Variants in PSPH observed in about 807,000 individuals in gnomAD.
PSPH encodes L-3-phosphoserine phosphatase.
Under a neutral mutation model 23.4 loss-of-function variants are expected in PSPH, and 16 were observed. That is an observed-to-expected ratio of 0.68 (90% CI 0.46 to 1.04). The LOEUF is 1.04. Ranked by LOEUF, PSPH falls within the 50% of genes least tolerant of loss-of-function variation. The pLI, the probability that PSPH is intolerant of heterozygous loss-of-function variation, is 0.00. For missense variants in PSPH, 223 were observed against 273.7 expected, an observed-to-expected ratio of 0.81 and a Z score of 1.31; for synonymous variants, 68 against 99.7, an observed-to-expected ratio of 0.68 and a Z score of 1.89.
Position 56,011,564 on chromosome 7 carries a change from CATCAT to C in PSPH, c.*193_*197del. 2.4e-6 allele frequency: 1 copy of C among 411,322 alleles called. No individual in the cohort carries two copies. Among genetic ancestry groups the C allele is most frequent in the East Asian group, 4.3e-5 (1 of 23,154 alleles). The allele number at this position is 411,322 out of a possible 1,614,324, so 25.5% of individuals were successfully genotyped here. ...AAAACCTCTCCAGGAAATCAATAGT[CATCAT>C]ATAATACTGGAACTACAGTTAAAAA... On this transcript the variant is annotated 3_prime_UTR_variant, in exon 8 of 8. Transcript: ENST00000275605.
intron 3 of PSPH, among the ~76,000 whole-genome samples, chr7:56,028,904 C>A (rs531453055): frequency 6.6e-6 from 1 of 151,976 alleles, no homozygotes. Flanking sequence ...CTGCAACCTC[C>A]GCCTCCCAGG....
intron 1 of PSPH, among the ~76,000 whole-genome samples, chr7:56,041,288 C>T (rs991859175): frequency 6.7e-6 from 1 of 149,888 alleles, no homozygotes; most frequent in Non-Finnish European, 1.5e-5. Context: ...TCTCAGCTCA[C>T]TGCAACCTCT....
chr7:56,017,725 T>TG (rs1788763285), intron 5 of PSPH, among the ~76,000 whole-genome samples: 1 of 145,788 alleles, frequency 6.9e-6, no homozygotes, highest in Admixed American at 6.9e-5. Context: ...ACTTTTTTTT[T>TG]TTTTTTTTTT....
chr7:56,021,891 G>A (rs557937640), intron 3 of PSPH, among the ~76,000 whole-genome samples: 18 of 150,130 alleles, frequency 1.2e-4, no homozygotes, highest in African/African-American at 4.4e-4. Flanking sequence ...TGGAGCTTGC[G>A]GTGAGCCAAG....
intron 4 of PSPH, among the ~76,000 whole-genome samples, chr7:56,020,661 G>T (rs1273243354): frequency 1.3e-5 from 2 of 151,956 alleles, no homozygotes; most frequent in Non-Finnish European, 2.9e-5. Flanking sequence ...GTGCATGACT[G>T]GGGGACTGGG....
chr7:56,036,538 A>G (rs1030034839), intron 1 of PSPH, among the ~76,000 whole-genome samples: 4 of 152,036 alleles, frequency 2.6e-5, no homozygotes, highest in Admixed American at 6.6e-5. Context: ...CTGAGGCGGG[A>G]GGATCATTTG....
At chr7:56,039,592 A>G (rs1231875141) in intron 1 of PSPH, among the ~76,000 whole-genome samples, 1 of 151,470 alleles carries the variant, frequency 6.6e-6, no homozygotes, top group Admixed American at 6.6e-5. Flanking sequence ...CCTGGCCAAC[A>G]TGGTGAAAGC....
intron 2 of PSPH, among the ~76,000 whole-genome samples, chr7:56,032,381 G>A (rs754784945): frequency 6.6e-6 from 1 of 151,970 alleles, no homozygotes; most frequent in Non-Finnish European, 1.5e-5. Flanking sequence ...GCAGACTTGG[G>A]CGGGCATGAT....
chr7:56,048,343 C>T (rs1015633899), intron 1 of PSPH, among the ~76,000 whole-genome samples: 1 of 147,930 alleles, frequency 6.8e-6, no homozygotes, highest in Non-Finnish European at 1.5e-5. Flanking sequence ...AAGTAAGGGA[C>T]AGTCTGTAAA....
chr7:56,027,937 T>C (rs1317682634), intron 3 of PSPH, among the ~76,000 whole-genome samples: 1 of 141,824 alleles, frequency 7.1e-6, no homozygotes, highest in Admixed American at 7.2e-5. Flanking sequence ...TGCATGCCTG[T>C]GGTCCCAGAT....
At chr7:56,037,130 C>T (rs1257244187) in intron 1 of PSPH, among the ~76,000 whole-genome samples, 1 of 147,762 alleles carries the variant, frequency 6.8e-6, no homozygotes, top group Non-Finnish European at 1.5e-5. Context: ...ACCGAGATTA[C>T]ACCACTGCAC....
intron 1 of PSPH, among the ~76,000 whole-genome samples, chr7:56,042,255 TTAA>T (rs1375387451): frequency 6.8e-6 from 1 of 148,148 alleles, no homozygotes; most frequent in African/African-American, 2.5e-5. Flanking sequence ...GAAAAAAAAC[TTAA>T]TGAATTATTT....
chr7:56,035,139 G>A (rs1466355251), intron 1 of PSPH, among the ~76,000 whole-genome samples: 1 of 152,038 alleles, frequency 6.6e-6, no homozygotes, highest in Non-Finnish European at 1.5e-5. Flanking sequence ...TCAGGAGTTC[G>A]AGACCAGCCT....
chr7:56,032,948 T>TAA (rs549761131), intron 2 of PSPH, among the ~76,000 whole-genome samples: 9 of 139,546 alleles, frequency 6.4e-5, no homozygotes, highest in East Asian at 2.1e-4. Flanking sequence ...CCCTGTCTCT[T>TAA]AAAAAAAAAA....
chr7:56,021,078 T>C lies in PSPH; in HGVS notation c.135A>G (p.Ser45=). Residue 45 remains serine (S), a synonymous_variant, in exon 4 of 8, where the codon TCA becomes TCG. Transcript: ENST00000275605. The part of the protein sequence containing the change: ...AKICGVEDAV[S]EMTRRAMGGA... Reference sequence around the variant, plus strand: ...TGAATAAATGCTATCCCTACATTTCTGACACCGCGTCCTCAACGCCACAGA... The same window carrying C: ...TGAATAAATGCTATCCCTACATTTCCGACACCGCGTCCTCAACGCCACAGA... The C allele has an allele frequency of 6.2e-7, 1 of 1,614,044 alleles. No homozygotes were observed. The highest frequency in any genetic ancestry group is 8.5e-7 in the Non-Finnish European group (1 of 1,180,036).
chr7:56,032,466 G>T (rs1248383917), intron 2 of PSPH, among the ~76,000 whole-genome samples: 1 of 151,804 alleles, frequency 6.6e-6, no homozygotes, highest in Admixed American at 6.6e-5. Context: ...GACCATCCTG[G>T]CTAACATGGC....
chr7:56,014,078 G>A (rs772871453), intron 7 of PSPH, among the ~76,000 whole-genome samples: 5 of 151,032 alleles, frequency 3.3e-5, no homozygotes, highest in Non-Finnish European at 7.4e-5. Flanking sequence ...GCAGTGAGCT[G>A]AGAGCACACC....
chr7:56,043,763 A>T (rs559729463), intron 1 of PSPH, among the ~76,000 whole-genome samples: 1 of 151,194 alleles, frequency 6.6e-6, no homozygotes, highest in African/African-American at 2.4e-5. Context: ...CCAGGGTGGA[A>T]GCTGCAGTGA....
At position 56,019,675 on chromosome 7, in the gene PSPH, G is replaced by T. The variant is rs371598085; in HGVS notation, c.200C>A (p.Ala67Asp). 2.9e-4 allele frequency: 466 copies of T among 1,613,918 alleles called. No individual in the cohort carries two copies. Among genetic ancestry groups the T allele is most frequent in the Non-Finnish European group, 3.7e-4 (439 of 1,179,880 alleles). The change falls in exon 5 of 8, where the codon GCC becomes GAC. Residue 67 changes from alanine (A) to aspartate (D), a missense_variant. By Grantham distance (126) the Ala-to-Asp change is moderately radical. Transcript: ENST00000275605. The part of the protein sequence containing the change: ...PFKAALTERL[A>D]LIQPSREQVQ... ...CTGCTCCCTGGAGGGCTGGATGAGG[G>T]CTAAGCGCTCTGTGAGAGCAGCTTT...
Sources: gnomAD v4.1 joint callset for allele counts (sites outside exome capture counted in the v4.1 genomes callset) on GRCh38, gnomAD v4.1.1 for gene constraint, MANE v1.5 for transcripts, NCBI Gene and HGNC (gene_info 2026-07-23, HGNC 2026-07-21) for gene names.